The following PDE4D variants were observed in gnomAD, a reference collection of about 807,000 sequenced individuals.
PDE4D encodes the protein phosphodiesterase 4D.
In PDE4D, 24 loss-of-function variants were observed where a neutral mutation model predicts 87.4. The observed-to-expected ratio is 0.27, with a 90% confidence interval of 0.20 to 0.39. The LOEUF is 0.39. Ranked by LOEUF, PDE4D falls within the 10% of genes least tolerant of loss-of-function variation. PDE4D has a pLI of 1.00. For missense variants in PDE4D, 714 were observed against 1,041.0 expected, an observed-to-expected ratio of 0.69 and a Z score of 4.32; for synonymous variants, 384 against 383.2, an observed-to-expected ratio of 1.00 and a Z score of -0.02.
chr5:59,173,598 T>C (rs1387751444), intron 5 of PDE4D, among the ~76,000 whole-genome samples: 2 of 152,376 alleles, frequency 1.3e-5, no homozygotes, highest in South Asian at 2.1e-4. Context: ...TTATTAAAGC[T>C]ATTAAACACA....
intron 1 of PDE4D, among the ~76,000 whole-genome samples, chr5:59,817,516 G>A (rs1165331603): frequency 1.3e-5 from 2 of 152,168 alleles, no homozygotes; most frequent in Non-Finnish European, 2.9e-5. Flanking sequence ...TTCATATGTT[G>A]AAGTGTTGAT....
At chr5:59,566,393 C>G (rs1263175773) in intron 1 of PDE4D, among the ~76,000 whole-genome samples, 1 of 152,144 alleles carries the variant, frequency 6.6e-6, no homozygotes, top group Non-Finnish European at 1.5e-5. Context: ...TTAATTCTTA[C>G]TGATCCTGCA....
chr5:59,861,426 G>T (rs1746268431), intron 1 of PDE4D, among the ~76,000 whole-genome samples: 1 of 152,124 alleles, frequency 6.6e-6, no homozygotes, highest in African/African-American at 2.4e-5. Flanking sequence ...ATAGGTCATT[G>T]ACATAGGTAG....
intron 1 of PDE4D, among the ~76,000 whole-genome samples, chr5:59,835,981 G>T (rs1339331121): frequency 1.3e-5 from 2 of 151,982 alleles, no homozygotes; most frequent in African/African-American, 2.4e-5. Context: ...TATGACTCAG[G>T]CCAGGTTGCT....
chr5:59,375,703 C>T (rs1784599368), intron 1 of PDE4D, among the ~76,000 whole-genome samples: 2 of 152,132 alleles, frequency 1.3e-5, no homozygotes, highest in South Asian at 4.1e-4. Context: ...CCAGCATCTT[C>T]CTGAGACAAA....
chr5:60,026,276 G>A (rs1360491979), intron 2 of PDE4D, among the ~76,000 whole-genome samples: 3 of 152,110 alleles, frequency 2.0e-5, no homozygotes, highest in Non-Finnish European at 4.4e-5. Flanking sequence ...GTGGACTAGA[G>A]ACTCTTTTAG....
chr5:59,607,174 C>T (rs1413874396), intron 1 of PDE4D, among the ~76,000 whole-genome samples: 1 of 152,100 alleles, frequency 6.6e-6, no homozygotes, highest in Non-Finnish European at 1.5e-5. Context: ...TCATCAAAAA[C>T]ATTTTGTTTT....
At chr5:59,682,860 T>C (rs573497566) in intron 1 of PDE4D, among the ~76,000 whole-genome samples, 1 of 152,272 alleles carries the variant, frequency 6.6e-6, no homozygotes, top group East Asian at 1.9e-4. Context: ...TACAAAACAA[T>C]TGGCATGTAA....
chr5:60,504,453 G>A (rs1750235410), intron 1 of PDE4D, among the ~76,000 whole-genome samples: 1 of 152,052 alleles, frequency 6.6e-6, no homozygotes. Context: ...AGTACAAGCA[G>A]CTCTTGAGAC....
intron 1 of PDE4D, among the ~76,000 whole-genome samples, chr5:59,389,648 C>T (rs572284477): frequency 3.0e-4 from 45 of 152,192 alleles, no homozygotes; most frequent in African/African-American, 9.9e-4. Context: ...ACCTGCACCC[C>T]CATGTTTATT....
chr5:59,165,542 C>T (rs1430343264), intron 5 of PDE4D, among the ~76,000 whole-genome samples: 1 of 152,216 alleles, frequency 6.6e-6, no homozygotes, highest in Non-Finnish European at 1.5e-5. Flanking sequence ...TCCCAAAATG[C>T]TGGAATTACA....
At chr5:59,639,485 A>G (rs1016578530) in intron 1 of PDE4D, among the ~76,000 whole-genome samples, 2 of 152,222 alleles carry the variant, frequency 1.3e-5, no homozygotes, top group African/African-American at 2.4e-5. Flanking sequence ...GAGGGAGAGC[A>G]GAAAGGATAC....
At chr5:59,743,429 A>G (rs1274519707) in intron 1 of PDE4D, among the ~76,000 whole-genome samples, 2 of 152,166 alleles carry the variant, frequency 1.3e-5, no homozygotes, top group Non-Finnish European at 2.9e-5. Flanking sequence ...CAACAAGTAC[A>G]TGAAAAGCTG....
chr5:59,704,606 A>ATT (rs1753108814), intron 1 of PDE4D, among the ~76,000 whole-genome samples: 2 of 152,330 alleles, frequency 1.3e-5, no homozygotes, highest in East Asian at 3.9e-4. Flanking sequence ...GAATCCACTT[A>ATT]TTGGATTGCT....
intron 1 of PDE4D, among the ~76,000 whole-genome samples, chr5:60,472,397 C>A (rs866950541): frequency 2.0e-5 from 3 of 152,146 alleles, no homozygotes; most frequent in Non-Finnish European, 4.4e-5. Flanking sequence ...CTGCCATAAG[C>A]TGCCTCCAAT....
chr5:60,288,110 T>C (rs911278666), intron 1 of PDE4D, among the ~76,000 whole-genome samples: 2 of 152,264 alleles, frequency 1.3e-5, no homozygotes, highest in African/African-American at 4.8e-5. Flanking sequence ...AACAGTGTGC[T>C]GTGTTTGTGC....
chr5:59,887,786 ATGTT>A (rs1750384708), intron 1 of PDE4D, among the ~76,000 whole-genome samples: 1 of 151,894 alleles, frequency 6.6e-6, no homozygotes, highest in African/African-American at 2.4e-5. Flanking sequence ...AAGTGAAAGA[ATGTT>A]TGTTTTCTGA....
intron 1 of PDE4D, among the ~76,000 whole-genome samples, chr5:59,246,711 G>T (rs1758912043): frequency 6.6e-6 from 1 of 152,088 alleles, no homozygotes; most frequent in African/African-American, 2.4e-5. Context: ...TTGTTGAAAG[G>T]AAGGCTGGAT....
intron 1 of PDE4D, among the ~76,000 whole-genome samples, chr5:59,681,275 GATAA>G (rs1331812859): frequency 6.6e-6 from 1 of 152,060 alleles, no homozygotes; most frequent in African/African-American, 2.4e-5. Context: ...TGAGGATTAA[GATAA>G]ATAATGATAT....
Sources: gnomAD v4.1 joint callset for allele counts (sites outside exome capture counted in the v4.1 genomes callset) on GRCh38, gnomAD v4.1.1 for gene constraint, MANE v1.5 for transcripts, NCBI Gene and HGNC (gene_info 2026-07-23, HGNC 2026-07-21) for gene names.